Variants in BTD observed in about 807,000 individuals in gnomAD.
The protein encoded by BTD is biotinidase.
In BTD, 13 loss-of-function variants were observed where a neutral mutation model predicts 17.7. The observed-to-expected ratio is 0.74, with a 90% CI of 0.48 to 1.17. BTD has a LOEUF of 1.17. Among genes scored for constraint, BTD ranks in the 50% most tolerant of loss-of-function variants. The pLI, the probability that BTD is intolerant of heterozygous loss-of-function variation, is 0.00. For missense variants in BTD, 674 were observed against 650.4 expected, an observed-to-expected ratio of 1.04 and a Z score of -0.39; for synonymous variants, 240 against 245.2, an observed-to-expected ratio of 0.98 and a Z score of 0.20.
rs984656215 is a variant in BTD, at chr3:15,682,321, AG to A, written c.400-27736del. Among the ~76,000 whole-genome samples, 13 of 152,318 alleles carry A rather than the reference AG, an allele frequency of 8.5e-5. 2 individuals are homozygous for A. Among genetic ancestry groups the A allele is most frequent in the African/African-American group, 2.9e-4 (12 of 41,578 alleles). ...ATCAATCCATAGTTCCTGAGACCAA[AG>A]GGTTTGAGAACCACTCACCATCTGA... On this transcript the variant is annotated intron_variant, in intron 3 of 3. Transcript: ENST00000672141.
intron 4 of BTD, among the ~76,000 whole-genome samples, chr3:15,721,560 G>A (rs2124930601): frequency 6.6e-6 from 1 of 152,054 alleles, no homozygotes; most frequent in East Asian, 1.9e-4. Context: ...CAGTGACAAA[G>A]GCTAACCTTA....
intron 3 of BTD, among the ~76,000 whole-genome samples, chr3:15,705,123 G>A (rs1313859325): frequency 6.6e-6 from 1 of 152,136 alleles, no homozygotes; most frequent in African/African-American, 2.4e-5. Context: ...ACTTTCCAGT[G>A]TATCAGGCTG....
chr3:15,611,405 A>G (rs2064624339), intron 1 of BTD, among the ~76,000 whole-genome samples: 1 of 152,188 alleles, frequency 6.6e-6, no homozygotes, highest in African/African-American at 2.4e-5. Flanking sequence ...TGCCTTTGTC[A>G]GGTTTTATTA....
In BTD at chr3:15,649,740, A is replaced by T. The variant is rs1354133653; in HGVS notation, c.*4252A>T. 6.6e-6 allele frequency among the ~76,000 whole-genome samples: 1 copy of T among 152,150 alleles called. No homozygotes were observed. On this transcript the variant is annotated 3_prime_UTR_variant, in exon 4 of 4. Coordinates refer to ENST00000643237, the MANE Select transcript of BTD (RefSeq NM_001370658.1). ...CCTTCAAGGTCTACTCTCTCATCAC[A>T]GCTTGTGACTCTTCCACTTTTTGAA...
intron 3 of BTD, among the ~76,000 whole-genome samples, chr3:15,691,365 C>T (rs1414213339): frequency 2.6e-5 from 4 of 152,228 alleles, no homozygotes; most frequent in East Asian, 1.9e-4. Flanking sequence ...CCTTGTGATC[C>T]GCCCGCCTCG....
At chr3:15,680,298 G>A (rs1462145388) in intron 3 of BTD, among the ~76,000 whole-genome samples, 1 of 152,046 alleles carries the variant, frequency 6.6e-6, no homozygotes, top group Non-Finnish European at 1.5e-5. Flanking sequence ...TCTGCCTCCT[G>A]GGTTCAAGTG....
downstream of BTD, among the ~76,000 whole-genome samples, chr3:15,658,544 G>A (rs1331229586): frequency 6.6e-6 from 1 of 151,762 alleles, no homozygotes; most frequent in Non-Finnish European, 1.5e-5. Flanking sequence ...TTTTTAAACC[G>A]GATATTCAGA....
chr3:15,609,532 C>A (rs2064554276), intron 1 of BTD, among the ~76,000 whole-genome samples: 1 of 152,106 alleles, frequency 6.6e-6, no homozygotes, highest in African/African-American at 2.4e-5. Context: ...AGTATTGTAC[C>A]AATTTATACT....
At chr3:15,619,986 A>T (rs1320681140) in intron 1 of BTD, among the ~76,000 whole-genome samples, 1 of 152,196 alleles carries the variant, frequency 6.6e-6, no homozygotes, top group African/African-American at 2.4e-5. Context: ...AGAACCACTG[A>T]TAAGGGTCTA....
At chr3:15,681,255 T>C (rs777704218) in intron 3 of BTD, among the ~76,000 whole-genome samples, 6 of 152,038 alleles carry the variant, frequency 3.9e-5, no homozygotes, top group Non-Finnish European at 5.9e-5. Context: ...TAGGGAATAA[T>C]GACAAAAAAA....
At chr3:15,665,062 A>T (rs574132426) in intron 3 of BTD, among the ~76,000 whole-genome samples, 1 of 152,330 alleles carries the variant, frequency 6.6e-6, no homozygotes, top group South Asian at 2.1e-4. Context: ...TAATTAAGCT[A>T]GTAGACAGGT....
chr3:15,637,864 G>T (rs2065392888), intron 2 of BTD, among the ~76,000 whole-genome samples: 1 of 152,184 alleles, frequency 6.6e-6, no homozygotes, highest in African/African-American at 2.4e-5. Context: ...TCTGCCCCCA[G>T]AGGAAACACT....
At chr3:15,637,103 C>A (rs553660679) in intron 2 of BTD, among the ~76,000 whole-genome samples, 100 of 152,226 alleles carry the variant, frequency 6.6e-4, no homozygotes, top group African/African-American at 2.3e-3. Context: ...CACGGCATGC[C>A]ATCTTCTCCA....
At chr3:15,703,696 G>T (rs1049482432) in intron 3 of BTD, among the ~76,000 whole-genome samples, 5 of 152,200 alleles carry the variant, frequency 3.3e-5, no homozygotes, top group African/African-American at 1.2e-4. Context: ...CAGACTAAGA[G>T]AATTGTTATT....
intron 1 of BTD, among the ~76,000 whole-genome samples, chr3:15,608,187 G>C (rs2064511692): frequency 1.3e-5 from 2 of 152,224 alleles, no homozygotes; most frequent in South Asian, 4.1e-4. Context: ...CAAGCCCTGT[G>C]CCTTTACTCT....
intron 3 of BTD, among the ~76,000 whole-genome samples, chr3:15,703,638 T>G (rs1362974117): frequency 1.3e-5 from 2 of 152,220 alleles, no homozygotes; most frequent in African/African-American, 4.8e-5. Flanking sequence ...AAGATTTCTG[T>G]TGTTTATAAG....
At position 15,696,753 on chromosome 3, in the gene BTD, T is replaced by C. The variant is rs1462576276; in HGVS notation, c.400-13307T>C. ...AATTAGAGGACTAAGAAGAGGTATA[T>C]AAACAGAGTAAAGTGGTAAGAAGGT... On this transcript the variant is annotated intron_variant, in intron 3 of 3. Coordinates refer to the BTD transcript ENST00000672141. Among the ~76,000 whole-genome samples the C allele has an allele frequency of 3.9e-5, 6 of 152,138 alleles. No individual in the cohort carries two copies. The East Asian group carries it at 1.2e-3, about 29-fold the overall frequency.
exon 4 of BTD, chr3:15,711,161 G>T: frequency 1.4e-6 from 2 of 1,429,696 alleles, no homozygotes; most frequent in Non-Finnish European, 9.7e-7. Context: ...GAGAAAACCT[G>T]CCATGACCAG....
At chr3:15,716,475 A>G (rs1575350536), downstream of BTD, among the ~76,000 whole-genome samples, 2 of 151,534 alleles carry the variant, frequency 1.3e-5, no homozygotes, top group Non-Finnish European at 1.5e-5. Flanking sequence ...TTTTGTAGAG[A>G]TGGTCTCTAA....
Sources: gnomAD v4.1 joint callset for allele counts (sites outside exome capture counted in the v4.1 genomes callset) on GRCh38, gnomAD v4.1.1 for gene constraint, MANE v1.5 for transcripts, NCBI Gene and HGNC (gene_info 2026-07-23, HGNC 2026-07-21) for gene names.